Variants in CRCP observed in about 807,000 individuals in gnomAD.
CRCP encodes CGRP receptor component, also known as DNA-directed RNA polymerase III subunit RPC9.
CRCP carries 18 observed loss-of-function variants against 18.5 expected under a neutral mutation model. The ratio of observed to expected loss-of-function variants is 0.97; its 90% CI spans 0.67 to 1.44. CRCP has a LOEUF of 1.44. Among genes scored for constraint, CRCP ranks in the 40% most tolerant of loss-of-function variants. CRCP has a pLI of 0.00. For synonymous variants in CRCP, 53 were observed against 62.9 expected, an observed-to-expected ratio of 0.84 and a Z score of 0.75; for missense variants, 130 against 176.4, an observed-to-expected ratio of 0.74 and a Z score of 1.49.
Position 66,132,152 on chromosome 7 carries a change from C to T in CRCP, c.144+1310C>T, listed in dbSNP as rs554279046. 4.6e-5 allele frequency among the ~76,000 whole-genome samples: 6 copies of T among 130,654 alleles called. No individual in the cohort carries two copies. In the East Asian group the frequency reaches 1.3e-3, roughly 29 times the overall value. The allele number at this position is 130,654 out of a possible 152,430, so 85.7% of individuals were successfully genotyped here. On this transcript the variant is annotated intron_variant, in intron 3 of 5. Transcript: ENST00000395326. Reference sequence around the variant, plus strand: ...TCTCTGATGTTAATATCTTACATAACCATGGTACAGTGATCAAAACCAAGA... The same window carrying T: ...TCTCTGATGTTAATATCTTACATAATCATGGTACAGTGATCAAAACCAAGA...
intron 5 of CRCP, among the ~76,000 whole-genome samples, chr7:66,150,348 A>T (rs1788419162): frequency 6.7e-6 from 1 of 149,694 alleles, no homozygotes. Context: ...CCTGGGCAAC[A>T]AGAGTGAAGG....
rs569131002 is a variant in CRCP at position 66,131,529 on chromosome 7, T to C, written c.144+687T>C. 4.6e-5 allele frequency among the ~76,000 whole-genome samples: 7 copies of C among 152,224 alleles called. No individual in the cohort carries two copies. The South Asian group carries it at 6.2e-4, about 14-fold the overall frequency. On this transcript the variant is annotated intron_variant, in intron 3 of 5. Coordinates refer to ENST00000395326, the MANE Select transcript of CRCP (RefSeq NM_014478.5). ...TTTGTTGTTGTTGTCCAGGCTGGTCTCCAACTCCTGGGCTTAAGGGATCTT... is the reference window on the plus strand; with the variant it reads ...TTTGTTGTTGTTGTCCAGGCTGGTCCCCAACTCCTGGGCTTAAGGGATCTT...
At chr7:66,115,817 T>C (rs980292756) in intron 1 of CRCP, among the ~76,000 whole-genome samples, 1 of 152,346 alleles carries the variant, frequency 6.6e-6, no homozygotes, top group East Asian at 1.9e-4. Flanking sequence ...TAATTAATTG[T>C]TTTTTCTTAA....
intron 1 of CRCP, among the ~76,000 whole-genome samples, chr7:66,124,207 A>G (rs1238070045): frequency 3.3e-5 from 5 of 151,032 alleles, no homozygotes; most frequent in African/African-American, 1.2e-4. Context: ...CAAAAATACA[A>G]AAAATTAGCC....
chr7:66,137,862 T>C (rs974796029), intron 4 of CRCP, among the ~76,000 whole-genome samples: 12 of 152,372 alleles, frequency 7.9e-5, no homozygotes, highest in African/African-American at 2.6e-4. Flanking sequence ...GTTATGGTTG[T>C]ATTTATAACA....
chr7:66,122,114 G>A (rs1018624401), intron 1 of CRCP, among the ~76,000 whole-genome samples: 2 of 152,152 alleles, frequency 1.3e-5, no homozygotes, highest in East Asian at 3.9e-4. Flanking sequence ...AGTGGCTCAC[G>A]CCTGTAATCC....
intron 1 of CRCP, among the ~76,000 whole-genome samples, chr7:66,119,347 C>T (rs1454075347): frequency 6.6e-6 from 1 of 152,190 alleles, no homozygotes; most frequent in Admixed American, 6.6e-5. Flanking sequence ...CATCTGTATG[C>T]TTGGTAATAT....
At chr7:66,144,938 C>T (rs1584096152) in intron 4 of CRCP, among the ~76,000 whole-genome samples, 1 of 152,028 alleles carries the variant, frequency 6.6e-6, no homozygotes, top group Non-Finnish European at 1.5e-5. Context: ...CCCCTGAGGT[C>T]GAGGGTTTGA....
rs996013464 is a variant in CRCP at position 66,152,249 on chromosome 7, T to C, written c.339T>C (p.Ile113=). ...ESEERLTEEQ[I]EALLHTVTSI... is the part of the protein sequence containing the mutation. Reference sequence around the variant, plus strand: ...AAGAGCGGCTCACGGAGGAGCAGATTGAAGCTCTTCTCCACACCGTCACCA... The same window carrying C: ...AAGAGCGGCTCACGGAGGAGCAGATCGAAGCTCTTCTCCACACCGTCACCA... Residue 113 remains isoleucine (I), a synonymous_variant, in exon 6 of 6, where the codon ATT becomes ATC. Transcript: ENST00000395326. 1.2e-6 allele frequency: 2 copies of C among 1,613,998 alleles called. No individual in the cohort carries two copies. Among genetic ancestry groups the C allele is most frequent in the Non-Finnish European group, 1.7e-6 (2 of 1,180,006 alleles).
Position 66,152,461 on chromosome 7 carries a change from G to A in CRCP, c.*104G>A, listed in dbSNP as rs1403701220. On this transcript the variant is annotated 3_prime_UTR_variant, in exon 6 of 6. Transcript: ENST00000395326. ...TTTGATTTTTATCCTCATCCCAGCA[G>A]GCCTGGCTTTGTGGTTAGTTGGGTA... The A allele has an allele frequency of 2.2e-6, 3 of 1,343,182 alleles. No individual in the cohort carries two copies. Among genetic ancestry groups the A allele is most frequent in the African/African-American group, 2.9e-5 (2 of 68,528 alleles). 83.2% of individuals were successfully genotyped at this position (1,343,182 alleles called of 1,614,324 possible).
intron 4 of CRCP, among the ~76,000 whole-genome samples, chr7:66,140,284 C>T (rs1788095158): frequency 6.6e-6 from 1 of 152,244 alleles, no homozygotes; most frequent in Admixed American, 6.5e-5. Context: ...CCATCCTCCA[C>T]CCCAAATGGT....
chr7:66,115,330 C>T (rs978212923), intron 1 of CRCP, among the ~76,000 whole-genome samples: 10 of 152,300 alleles, frequency 6.6e-5, no homozygotes, highest in African/African-American at 2.4e-4. Flanking sequence ...CTATAAAGGC[C>T]TGAGTCTGTC....
chr7:66,146,653 C>A (rs1006004290), intron 5 of CRCP, among the ~76,000 whole-genome samples: 2 of 152,030 alleles, frequency 1.3e-5, no homozygotes, highest in African/African-American at 4.8e-5. Flanking sequence ...CTAAATTGTT[C>A]ATTGTCTTCC....
chr7:66,147,964 G>A (rs1788348089), intron 5 of CRCP, among the ~76,000 whole-genome samples: 1 of 152,126 alleles, frequency 6.6e-6, no homozygotes, highest in Admixed American at 6.5e-5. Context: ...GGAGACTAAG[G>A]TGAGAGGATT....
chr7:66,134,410 A>T, intron 4 of CRCP, 36 bp downstream of exon 4: 1 of 1,358,286 alleles, frequency 7.4e-7, no homozygotes, highest in Non-Finnish European at 1.0e-6. Flanking sequence ...AGCGTGACAC[A>T]TGGTGAAATG....
At chr7:66,135,645 A>T (rs758491519) in intron 4 of CRCP, among the ~76,000 whole-genome samples, 21 of 152,286 alleles carry the variant, frequency 1.4e-4, no homozygotes, top group Non-Finnish European at 2.6e-4. Context: ...TTTCTTGGCC[A>T]GGTGTGGCGG....
At chr7:66,143,613 A>G (rs78649254) in intron 4 of CRCP, among the ~76,000 whole-genome samples, 5,542 of 152,222 alleles carry the variant, frequency 0.036, 158 homozygotes, top group East Asian at 0.084. Flanking sequence ...AGCAGTAGAA[A>G]TTGACTAGAA....
chr7:66,148,900 TAG>T (rs1788375532), intron 5 of CRCP, among the ~76,000 whole-genome samples: 1 of 152,252 alleles, frequency 6.6e-6, no homozygotes, highest in Non-Finnish European at 1.5e-5. Flanking sequence ...AGTTGAAATT[TAG>T]AAAGCCAGAT....
intron 5 of CRCP, among the ~76,000 whole-genome samples, chr7:66,151,434 T>C (rs1399941498): frequency 6.6e-6 from 1 of 152,104 alleles, no homozygotes; most frequent in East Asian, 1.9e-4. Flanking sequence ...CTGTCTGTGG[T>C]GGCTCGTGCC....
Sources: allele counts gnomAD v4.1 joint callset (sites outside exome capture counted in the v4.1 genomes callset), GRCh38; gene constraint gnomAD v4.1.1; transcripts MANE v1.5; gene names NCBI Gene and HGNC (gene_info 2026-07-23, HGNC 2026-07-21).